TTC21A: variants seen among roughly 807,000 people sequenced by gnomAD.
The protein encoded by TTC21A is tetratricopeptide repeat domain 21A, also known as tetratricopeptide repeat protein 21A.
Under a neutral mutation model 156.4 loss-of-function variants are expected in TTC21A, and 128 were observed. The ratio of observed to expected loss-of-function variants is 0.82; its 90% CI spans 0.71 to 0.95. TTC21A has a LOEUF of 0.95. TTC21A is among the 40% of genes least tolerant of loss of function. The pLI, the probability that TTC21A is intolerant of heterozygous loss-of-function variation, is 0.00. For missense variants in TTC21A, 1,435 were observed against 1,602.3 expected (o/e 0.90, Z 1.78); for synonymous variants, 587 against 617.1 (o/e 0.95, Z 0.72).
chr3:39,134,178 G>A lies in TTC21A; in HGVS notation c.2752-40G>A, dbSNP rs2038939774. On this transcript the variant is annotated intron_variant, in intron 20 of 28. Transcript: ENST00000683103. The surrounding 1 kb of genome is among the most constrained non-coding windows in gnomAD (Gnocchi z 4.6). Reference sequence around the variant, plus strand: ...AGGATAACCCCAGGGGTTTCCCATGGTGTTTACTAGTTAGTTTATTATATC... The same window carrying A: ...AGGATAACCCCAGGGGTTTCCCATGATGTTTACTAGTTAGTTTATTATATC... 7.5e-7 allele frequency: 1 copy of A among 1,329,262 alleles called. No homozygotes were observed. The highest frequency in any genetic ancestry group is 1.1e-6 in the Non-Finnish European group (1 of 921,052). The allele number at this position is 1,329,262 out of a possible 1,614,324, so 82.3% of individuals were successfully genotyped here. A position where few individuals can be genotyped will look rare whatever the true frequency, so the allele number is the denominator to read the frequency against.
intron 12 of TTC21A, among the ~76,000 whole-genome samples, 167 bp downstream of exon 12, chr3:39,126,557 A>G (rs116459137): frequency 0.024 from 3,567 of 149,002 alleles, 141 homozygotes; most frequent in African/African-American, 0.083. Flanking sequence ...ACACACACAC[A>G]CATGCATGCT....
chr3:39,111,270 T>A (rs1442186614), intron 4 of TTC21A, among the ~76,000 whole-genome samples: 1 of 151,836 alleles, frequency 6.6e-6, no homozygotes, highest in Non-Finnish European at 1.5e-5. Context: ...TCTTAAGAAA[T>A]TTTTTTTTGA....
chr3:39,109,589 G>A (rs2036625997), intron 2 of TTC21A, among the ~76,000 whole-genome samples: 1 of 152,210 alleles, frequency 6.6e-6, no homozygotes, highest in African/African-American at 2.4e-5. Context: ...AGGGAGAGGA[G>A]TGAGACCCAT....
Position 39,130,783 on chromosome 3 carries a change from T to TA in TTC21A, c.2405dup (p.Lys803GlufsTer4), listed in dbSNP as rs770748729. On this transcript the variant is annotated frameshift_variant, in exon 18 of 29. Transcript: ENST00000683103. LOFTEE classifies it high-confidence loss of function. The surrounding 1 kb of genome is among the most constrained non-coding windows in gnomAD (Gnocchi z 4.5). ...GATCTGGGCAAACTGCTCCTGAAGT[T>TA]AAAGAAGGTCAATAAAGCAGAAAAA... 6.2e-7 allele frequency: 1 copy of TA among 1,614,182 alleles called. No individual in the cohort carries two copies. The highest frequency in any genetic ancestry group is 8.5e-7 in the Non-Finnish European group (1 of 1,180,032).
In TTC21A at chr3:39,130,713, T is replaced by C. The variant is rs2038663553; in HGVS notation, c.2332T>C (p.Tyr778His). 1.9e-6 allele frequency: 3 copies of C among 1,614,214 alleles called. No individual in the cohort carries two copies. Among genetic ancestry groups the C allele is most frequent in the Non-Finnish European group, 2.5e-6 (3 of 1,180,040 alleles). ...TGTTTGCACTAAGGCAATTGAGTAT[T>C]ATGAGGCTGCCCAGAAGATTAATGG... The part of the protein sequence containing the change: ...AHQYTEAIEY[Y>H]EAAQKINGQD... The change falls in exon 18 of 29, where the codon TAT (tyrosine) becomes CAT (histidine). Residue 778 changes from tyrosine (Y) to histidine (H), a missense_variant. Physicochemically the swap from Tyr to His is moderately conservative, Grantham distance 83. Transcript: ENST00000683103. The surrounding 1 kb of genome is among the most constrained non-coding windows in gnomAD (Gnocchi z 4.5).
intron 1 of TTC21A, among the ~76,000 whole-genome samples, chr3:39,108,744 AC>A (rs2036505147): frequency 1.3e-5 from 2 of 152,228 alleles, no homozygotes; most frequent in Non-Finnish European, 2.9e-5. Context: ...ATAACTTGTA[AC>A]TACAATTCGT....
Position 39,125,163 on chromosome 3 carries a change from C to A in TTC21A, c.1191+3C>A. Reference sequence around the variant, plus strand: ...AGAAGTCCCTTGGGAAGTCTGAGGTCAGAGCTCCCTGGGGGTATGGGTTGC... The same window carrying A: ...AGAAGTCCCTTGGGAAGTCTGAGGTAAGAGCTCCCTGGGGGTATGGGTTGC... On this transcript the variant is annotated splice_donor_region_variant and intron_variant, in intron 10 of 28. Coordinates refer to ENST00000683103, the MANE Select transcript of TTC21A (RefSeq NM_001366900.1). The A allele has an allele frequency of 6.2e-7, 1 of 1,610,010 alleles. No homozygotes were observed. The highest frequency in any genetic ancestry group is 1.1e-5 in the South Asian group (1 of 90,932).
Position 39,111,023 on chromosome 3 carries a change from T to G in TTC21A, c.435+6T>G. The G allele has an allele frequency of 9.4e-6, 15 of 1,595,258 alleles. No individual in the cohort carries two copies. Among genetic ancestry groups the G allele is most frequent in the Non-Finnish European group, 1.3e-5 (15 of 1,167,770 alleles). ...TTTCTAGAGGCTTCAGAGAGGTACTTACCACACCATGGGGACAACAGGCGA... is the reference window on the plus strand; with the variant it reads ...TTTCTAGAGGCTTCAGAGAGGTACTGACCACACCATGGGGACAACAGGCGA... On this transcript the variant is annotated splice_donor_region_variant and intron_variant, in intron 4 of 28. Transcript: ENST00000683103.
chr3:39,116,056 C>T lies in TTC21A; in HGVS notation c.716+1314C>T, dbSNP rs545337798. 4.6e-5 allele frequency among the ~76,000 whole-genome samples: 7 copies of T among 152,372 alleles called. No homozygotes were observed. The East Asian group carries it at 1.4e-3, about 29-fold the overall frequency. The stretch of plus-strand genomic sequence containing the variant: ...TAGGAGCTTGCTTTGGAGGCTAGGC[C>T]TCAGGCCAGCAACTCACCTGGAAGC... On this transcript the variant is annotated intron_variant, in intron 6 of 28. Coordinates refer to ENST00000683103, the MANE Select transcript of TTC21A (RefSeq NM_001366900.1).
chr3:39,131,935 T>C (rs784489), intron 19 of TTC21A, among the ~76,000 whole-genome samples: 82,613 of 152,062 alleles, frequency 0.54, 25,493 homozygotes, highest in East Asian at 0.72. Flanking sequence ...CTCATGACAT[T>C]TGGGGGGCAT....
At chr3:39,120,958 T>G in intron 8 of TTC21A, 39 bp from the exon 9 acceptor site, 1 of 1,557,398 alleles carries the variant, frequency 6.4e-7, no homozygotes, top group Non-Finnish European at 8.7e-7. Flanking sequence ...CAGGCTGGAC[T>G]GACTGGTTTC....
At chr3:39,108,815 C>G (rs947282430) in intron 1 of TTC21A, among the ~76,000 whole-genome samples, 4 of 152,210 alleles carry the variant, frequency 2.6e-5, no homozygotes, top group African/African-American at 7.2e-5. Flanking sequence ...TAAGACAAAG[C>G]CTTGGTTGAA....
intron 5 of TTC21A, 120 bp from the exon 6 acceptor site, chr3:39,114,465 C>A: frequency 1.1e-6 from 1 of 942,046 alleles, no homozygotes; most frequent in Non-Finnish European, 1.7e-6. Flanking sequence ...AGAGGACCCA[C>A]GGTGCCCATG....
In TTC21A at chr3:39,121,076, A is replaced by G. The variant is rs1243901106; in HGVS notation, c.980A>G (p.His327Arg). 4 of 1,614,098 alleles carry G rather than the reference A, an allele frequency of 2.5e-6. No homozygotes were observed. The highest frequency in any genetic ancestry group is 3.4e-6 in the Non-Finnish European group (4 of 1,180,012). The change falls in exon 9 of 29, where the codon CAT becomes CGT. Residue 327 changes from histidine (H) to arginine (R), a missense_variant. By Grantham distance (29) the His-to-Arg change is conservative. Transcript: ENST00000683103. ...RTFMATPSYVHVATELGYLFI... is the reference protein window; with the variant it reads ...RTFMATPSYVRVATELGYLFI... Reference sequence around the variant, plus strand: ...TTCATGGCCACCCCCTCGTATGTCCATGTGGCCACAGAACTGGGCTATCTC... The same window carrying G: ...TTCATGGCCACCCCCTCGTATGTCCGTGTGGCCACAGAACTGGGCTATCTC...
rs1189460267 is a variant in TTC21A, at chr3:39,137,369, C to G, written c.3432C>G (p.Ile1144Met). 4 of 1,613,056 alleles carry G rather than the reference C, an allele frequency of 2.5e-6. No homozygotes were observed. Among genetic ancestry groups the G allele is most frequent in the Admixed American group, 1.7e-5 (1 of 59,864 alleles). The change falls in exon 25 of 29, where the codon ATC becomes ATG. Residue 1144 changes from isoleucine to methionine, a missense_variant. Physicochemically the swap from Ile to Met is conservative, Grantham distance 10. Transcript: ENST00000683103. ...TGGAGGCTGCGCTGGGCAGCTTCAT[C>G]CAGATAGCGCAGGCTGAGGTGTGGC... ...ANMEAALGSF[I>M]QIAQAEKDSV...
At chr3:39,126,176 C>T (rs1315977848) in intron 11 of TTC21A, 85 bp from the exon 12 acceptor site, 3 of 1,545,994 alleles carry the variant, frequency 1.9e-6, no homozygotes, top group Admixed American at 3.6e-5. Flanking sequence ...AAAATTCCTT[C>T]ACTGAGAGCA....
chr3:39,130,338 A>G lies in TTC21A; in HGVS notation c.2299A>G (p.Lys767Glu). 2.5e-6 allele frequency: 4 copies of G among 1,613,314 alleles called. No individual in the cohort carries two copies. The highest frequency in any genetic ancestry group is 3.4e-6 in the Non-Finnish European group (4 of 1,179,612). The change falls in exon 17 of 29, where the codon AAG (lysine) becomes GAG (glutamate). Residue 767 changes from lysine to glutamate, a missense_variant. Physicochemically the swap from Lys to Glu is moderately conservative, Grantham distance 56. Coordinates refer to ENST00000683103, the MANE Select transcript of TTC21A (RefSeq NM_001366900.1). The surrounding 1 kb of genome is among the most constrained non-coding windows in gnomAD (Gnocchi z 4.5). ...CAGCAGAATTGGGCACGCTTATGTG[A>G]AGGCCCACCAGTATACTGAGGTCAG... ...LASRIGHAYV[K>E]AHQYTEAIEY...
intron 21 of TTC21A, 72 bp from the exon 22 acceptor site, chr3:39,135,021 C>G (rs982047061): frequency 9.8e-6 from 13 of 1,323,522 alleles, no homozygotes; most frequent in Non-Finnish European, 1.2e-5. Context: ...ACCCCCATAC[C>G]CCCCGCCTCC....
intron 5 of TTC21A, among the ~76,000 whole-genome samples, chr3:39,113,570 G>A (rs1479886910): frequency 6.6e-6 from 1 of 152,200 alleles, no homozygotes; most frequent in Non-Finnish European, 1.5e-5. Context: ...AGAGCCATCA[G>A]CCACCAACTC....
Sources: allele counts gnomAD v4.1 joint callset (sites outside exome capture counted in the v4.1 genomes callset), GRCh38; gene constraint gnomAD v4.1.1; non-coding constraint Gnocchi (gnomAD v3.1); transcripts MANE v1.5; gene names NCBI Gene and HGNC (gene_info 2026-07-23, HGNC 2026-07-21).